Variants in ZC3H12B observed in about 807,000 individuals in gnomAD.
ZC3H12B encodes the protein probable ribonuclease ZC3H12B.
A neutral mutation model predicts 43.9 loss-of-function variants in ZC3H12B; 7 were observed. The observed-to-expected ratio is 0.16, with a 90% CI of 0.09 to 0.30. The LOEUF (loss-of-function observed/expected upper bound fraction) is 0.30, where lower values mean the gene tolerates loss of function less well. Among genes scored for constraint, ZC3H12B ranks in the 10% least tolerant of loss-of-function variants. The pLI, the probability that ZC3H12B is intolerant of heterozygous loss-of-function variation, is 1.00. For synonymous variants in ZC3H12B, 222 were observed against 241.7 expected (o/e 0.92, Z 0.76); for missense variants, 475 against 670.2 (o/e 0.71, Z 3.22).
the ZC3H12B span, among the ~76,000 whole-genome samples, chrX:65,144,691 G>T: frequency 3.6e-5 from 4 of 111,351 alleles, no homozygotes; most frequent in Non-Finnish European, 7.5e-5. Context: ...TTCAGTTGAA[G>T]AATTTTTTTT....
chrX:65,213,442 G>T, the ZC3H12B span, among the ~76,000 whole-genome samples: 2 of 111,168 alleles, frequency 1.8e-5, no homozygotes, highest in Admixed American at 9.7e-5. Context: ...GGTTGAGTAT[G>T]TCTTATCTAA....
At chrX:65,158,857 T>A in the ZC3H12B span, among the ~76,000 whole-genome samples, 1 of 112,161 alleles carries the variant, frequency 8.9e-6, no homozygotes, top group Non-Finnish European at 1.9e-5. Context: ...CATGCCTGTG[T>A]CCTGAATGGT....
the ZC3H12B span, among the ~76,000 whole-genome samples, chrX:65,237,795 G>A: frequency 9.0e-6 from 1 of 110,971 alleles, no homozygotes; most frequent in Non-Finnish European, 1.9e-5. Flanking sequence ...TTTATTGAAG[G>A]CCTTTTCTGT....
chrX:65,260,574 T>G, the ZC3H12B span, among the ~76,000 whole-genome samples: 1 of 111,828 alleles, frequency 8.9e-6, no homozygotes, highest in Admixed American at 9.5e-5. Flanking sequence ...AAAATAAATG[T>G]TTAAAAAGAC....
Position 65,496,342 on chromosome X carries a change from G to A in ZC3H12B, c.609-790G>A, listed in dbSNP as rs185877488. On this transcript the variant is annotated intron_variant, in intron 1 of 4. Coordinates refer to ENST00000338957, the Ensembl canonical transcript of ZC3H12B. ...TTTTGCTGTCGATGTTATTTTTGAA[G>A]CTTAATATATATGTGCTTAAGACTT... Among the ~76,000 whole-genome samples, 540 of 111,944 alleles carry A rather than the reference G, an allele frequency of 4.8e-3. 4 individuals carry two copies. Among genetic ancestry groups the A allele is most frequent in the African/African-American group, 0.016 (508 of 30,852 alleles).
At chrX:65,176,964 A>C in the ZC3H12B span, among the ~76,000 whole-genome samples, 1 of 112,057 alleles carries the variant, frequency 8.9e-6, no homozygotes, top group Admixed American at 9.5e-5. Context: ...AAATCTGGCA[A>C]AGAAACAACA....
the ZC3H12B span, among the ~76,000 whole-genome samples, chrX:65,068,008 G>A: frequency 9.1e-6 from 1 of 109,336 alleles, no homozygotes; most frequent in Non-Finnish European, 1.9e-5. Flanking sequence ...TCATTCAGTG[G>A]CCTTGTTTAA....
At chrX:65,460,844 C>A (rs907153277) in intron 3 of ZC3H12B, among the ~76,000 whole-genome samples, 14 of 111,325 alleles carry the variant, frequency 1.3e-4, no homozygotes, top group African/African-American at 3.9e-4. Flanking sequence ...GCAACACAAG[C>A]CAAAATTGAT....
At chrX:65,386,113 TG>T (rs1276659505) in intron 2 of ZC3H12B, among the ~76,000 whole-genome samples, 103 of 111,993 alleles carry the variant, frequency 9.2e-4, no homozygotes, top group African/African-American at 3.2e-3. Context: ...TCTCTTTTTT[TG>T]TTGTGTCTCT....
chrX:65,154,591 G>T, the ZC3H12B span, among the ~76,000 whole-genome samples: 289 of 112,263 alleles, frequency 2.6e-3, 2 homozygotes, highest in African/African-American at 8.8e-3. Flanking sequence ...ACCATTGGCC[G>T]TGTGGCGGTT....
At chrX:65,172,090 C>T in the ZC3H12B span, among the ~76,000 whole-genome samples, 6 of 112,542 alleles carry the variant, frequency 5.3e-5, no homozygotes, top group Non-Finnish European at 1.9e-5. Context: ...GCAGAAATCA[C>T]TCGTCTTCTG....
the ZC3H12B span, among the ~76,000 whole-genome samples, chrX:65,279,839 A>C: frequency 2.7e-5 from 3 of 112,209 alleles, no homozygotes; most frequent in Non-Finnish European, 5.6e-5. Context: ...AAGGTCTACT[A>C]TCCAGCATCT....
chrX:65,275,588 T>C, the ZC3H12B span, among the ~76,000 whole-genome samples: 1 of 112,896 alleles, frequency 8.9e-6, no homozygotes, highest in African/African-American at 3.2e-5. Flanking sequence ...CAGATGCTAG[T>C]AGTTTGAATT....
chrX:65,392,672 G>A lies in ZC3H12B; in HGVS notation n.296-5921G>A, dbSNP rs890379503. Among the ~76,000 whole-genome samples the A allele has an allele frequency of 1.7e-4, 19 of 109,172 alleles. No homozygotes were observed. In the East Asian group the frequency reaches 2.5e-3, roughly 14 times the overall value. The allele number at this position is 109,172 out of a possible 115,157, so 94.8% of individuals were successfully genotyped here. A position where few individuals can be genotyped will look rare whatever the true frequency, so the allele number is the denominator to read the frequency against. On this transcript the variant is annotated intron_variant and non_coding_transcript_variant, in intron 2 of 5. Transcript: ENST00000617377. ...CGGCCTCCCCATCTGGGGGGTGGGG[G>A]GCCCCTCTGCCTGGCTGCCACGTCT... is the stretch of plus-strand genomic sequence containing the variant.
intron 3 of ZC3H12B, among the ~76,000 whole-genome samples, chrX:65,461,063 T>C (rs1172263462): frequency 2.7e-5 from 3 of 111,835 alleles, no homozygotes; most frequent in African/African-American, 3.3e-5. Context: ...ACAGACAATT[T>C]TCAAAAGAAG....
the ZC3H12B span, among the ~76,000 whole-genome samples, chrX:65,057,747 T>C: frequency 1.8e-5 from 2 of 111,906 alleles, no homozygotes; most frequent in African/African-American, 6.5e-5. Context: ...GGTCTTTTCA[T>C]ATAGTCCCAT....
chrX:65,139,207 A>G, the ZC3H12B span, among the ~76,000 whole-genome samples: 1 of 112,141 alleles, frequency 8.9e-6, no homozygotes, highest in Non-Finnish European at 1.9e-5. Context: ...ATCTTCCATT[A>G]CTTTTAGAGT....
the ZC3H12B span, among the ~76,000 whole-genome samples, chrX:65,279,616 C>A: frequency 9.0e-6 from 1 of 111,427 alleles, no homozygotes; most frequent in African/African-American, 3.3e-5. Flanking sequence ...ACTATAAAAA[C>A]TCTGGAAGAC....
At chrX:65,220,754 G>A in the ZC3H12B span, among the ~76,000 whole-genome samples, 1 of 111,686 alleles carries the variant, frequency 9.0e-6, no homozygotes, top group East Asian at 2.8e-4. Flanking sequence ...ATAATAGTGT[G>A]GGTCTTCAGT....
Sources: gnomAD v4.1 joint callset for allele counts (sites outside exome capture counted in the v4.1 genomes callset) on GRCh38, gnomAD v4.1.1 for gene constraint, MANE v1.5 for transcripts, NCBI Gene and HGNC (gene_info 2026-07-23, HGNC 2026-07-21) for gene names.